CPSF4: variants seen among roughly 807,000 people sequenced by gnomAD.
The protein encoded by CPSF4 is cleavage and polyadenylation specificity factor subunit 4.
CPSF4 carries 11 observed loss-of-function variants against 37.7 expected under a neutral mutation model. The observed-to-expected ratio is 0.29, with a 90% CI of 0.18 to 0.48. The LOEUF is 0.48. CPSF4 is among the 20% of genes least tolerant of loss of function. CPSF4 has a pLI of 0.99. For missense variants in CPSF4, 144 were observed against 359.5 expected, an observed-to-expected ratio of 0.40 and a Z score of 4.85; for synonymous variants, 132 against 135.9, an observed-to-expected ratio of 0.97 and a Z score of 0.20.
In CPSF4 at chr7:99,457,043, G is replaced by A. The variant is rs1045733739; in HGVS notation, c.*543G>A. 8.5e-5 allele frequency: 20 copies of A among 234,536 alleles called. No homozygotes were observed. The highest frequency in any genetic ancestry group is 1.2e-4 in the South Asian group (2 of 16,650). The allele number at this position is 234,536 out of a possible 1,614,324, so 14.5% of individuals were successfully genotyped here. A position where few individuals can be genotyped will look rare whatever the true frequency, so the allele number is the denominator to read the frequency against. The stretch of plus-strand genomic sequence containing the variant: ...GCTGGCCCTGGTCCCAGGTGGCAGC[G>A]GTTGAGGAGGGGTACAGGGCTCTCA... On this transcript the variant is annotated 3_prime_UTR_variant, in exon 8 of 8. Transcript: ENST00000292476.
chr7:99,439,428 T>G, intron 1 of CPSF4: 1 of 425,218 alleles, frequency 2.4e-6, no homozygotes, highest in Non-Finnish European at 4.2e-6. Context: ...CCCGAGACTC[T>G]TCCCACTCCA....
In CPSF4 at chr7:99,453,854, C is replaced by T; in HGVS notation, c.571-112C>T. 1 of 1,008,624 alleles carries T rather than the reference C, an allele frequency of 9.9e-7. No homozygotes were observed. The highest frequency in any genetic ancestry group is 1.5e-6 in the Non-Finnish European group (1 of 668,926). 62.5% of individuals were successfully genotyped at this position (1,008,624 alleles called of 1,614,324 possible). A position where few individuals can be genotyped will look rare whatever the true frequency, so the allele number is the denominator to read the frequency against. ...TCCTGAGGTGGGCCGTCGTGGAAGC[C>T]CTGCTTCCTGCCGTTTGCGGGACGA... On this transcript the variant is annotated intron_variant, in intron 6 of 7. Transcript: ENST00000292476. The surrounding 1 kb of genome is among the most constrained non-coding windows in gnomAD (Gnocchi z 4.7).
intron 1 of CPSF4, chr7:99,443,517 G>T (rs1584489566): frequency 2.8e-6 from 2 of 717,562 alleles, no homozygotes; most frequent in East Asian, 2.6e-5. Flanking sequence ...CTCCGGGTGT[G>T]CTCTTTTAAT....
rs1351340331 is a variant in CPSF4, at chr7:99,454,106, C to T, written c.711C>T (p.Pro237=). Residue 237 remains proline, a synonymous_variant, in exon 7 of 8, where the codon CCC becomes CCT. Transcript: ENST00000292476. ...ACAGCAGCGCGGGCAACCGGGGACCCCGGCCACTGGAGCAGGTCACCTGTT... is the reference window on the plus strand; with the variant it reads ...ACAGCAGCGCGGGCAACCGGGGACCTCGGCCACTGGAGCAGGTCACCTGTT... The part of the protein sequence containing the change: ...SQNSSAGNRG[P]RPLEQVTCYK... 1.2e-6 allele frequency: 2 copies of T among 1,613,878 alleles called. No homozygotes were observed. The highest frequency in any genetic ancestry group is 4.5e-5 in the East Asian group (2 of 44,886).
chr7:99,442,987 T>G (rs1261209836), intron 1 of CPSF4: 11 of 1,580,936 alleles, frequency 7.0e-6, no homozygotes, highest in Non-Finnish European at 8.7e-6. Flanking sequence ...CGCTCCTTCC[T>G]CTTTTTCAGT....
At chr7:99,444,698 A>C in intron 1 of CPSF4, 91 bp from the exon 2 acceptor site, 1 of 1,239,950 alleles carries the variant, frequency 8.1e-7, no homozygotes, top group Non-Finnish European at 1.2e-6. Context: ...GGTGGGTCAG[A>C]GGTCAGAAGG....
At position 99,442,749 on chromosome 7, in the gene CPSF4, C is replaced by T. The variant is rs77374893; in HGVS notation, c.104-2040C>T. The stretch of plus-strand genomic sequence containing the variant: ...CTGAAACAGCAATAAGTCAAACTGC[C>T]GCGGCAGTTCACAGTTTTACCTGGG... On this transcript the variant is annotated intron_variant, in intron 1 of 7. Coordinates refer to ENST00000292476, the MANE Select transcript of CPSF4 (RefSeq NM_006693.4). 1,207 of 598,308 alleles carry T rather than the reference C, an allele frequency of 2.0e-3. 15 individuals are homozygous for T. The highest frequency in any genetic ancestry group is 0.016 in the African/African-American group (867 of 53,650). 37.1% of individuals were successfully genotyped at this position (598,308 alleles called of 1,614,324 possible).
chr7:99,442,807 AT>A, intron 1 of CPSF4: 1 of 803,052 alleles, frequency 1.2e-6, no homozygotes. Context: ...GCAAGACTGC[AT>A]TTAGTATATA....
At chr7:99,440,676 T>TATATA (rs1562852973) in intron 1 of CPSF4, among the ~76,000 whole-genome samples, 41 of 62,174 alleles carry the variant, frequency 6.6e-4, no homozygotes, top group Middle Eastern at 6.4e-3. Flanking sequence ...ATATATATAT[T>TATATA]TTTTTTTTTT....
At chr7:99,444,171 G>A (rs1797279172) in intron 1 of CPSF4, among the ~76,000 whole-genome samples, 1 of 151,946 alleles carries the variant, frequency 6.6e-6, no homozygotes, top group Non-Finnish European at 1.5e-5. Flanking sequence ...ATTTATTCCT[G>A]TGTGTCAGGC....
rs764861796 is a variant in CPSF4 at position 99,456,638 on chromosome 7, A to G, written c.*138A>G. ...GTGGGTTTCATCACTCTGAGGGGCC[A>G]CGTCTGTTAGTTTCCTATCATTTTG... On this transcript the variant is annotated 3_prime_UTR_variant, in exon 8 of 8. Transcript: ENST00000292476. 4 of 734,554 alleles carry G rather than the reference A, an allele frequency of 5.4e-6. No individual in the cohort carries two copies. The highest frequency in any genetic ancestry group is 1.5e-5 in the South Asian group (1 of 68,130). The allele number at this position is 734,554 out of a possible 1,614,324, so 45.5% of individuals were successfully genotyped here. A position where few individuals can be genotyped will look rare whatever the true frequency, so the allele number is the denominator to read the frequency against.
intron 2 of CPSF4, chr7:99,447,757 T>G (rs1277254877): frequency 2.3e-6 from 1 of 434,868 alleles, no homozygotes; most frequent in Non-Finnish European, 4.7e-6. Flanking sequence ...GCGCGGCTAA[T>G]TTTTTGTATT....
At chr7:99,447,938 T>G (rs1797661596) in intron 2 of CPSF4, 183 bp from the exon 3 acceptor site, 2 of 631,642 alleles carry the variant, frequency 3.2e-6, no homozygotes, top group African/African-American at 1.8e-5. Flanking sequence ...GTAAAATGTC[T>G]GTCAGTGTAG....
intron 1 of CPSF4, among the ~76,000 whole-genome samples, chr7:99,440,874 TCA>T (rs1164354672): frequency 4.7e-5 from 7 of 148,516 alleles, no homozygotes; most frequent in African/African-American, 7.5e-5. Context: ...CTGCTCAAAT[TCA>T]CACACACACA....
At position 99,453,954 on chromosome 7, in the gene CPSF4, A is replaced by C; in HGVS notation, c.571-12A>C. On this transcript the variant is annotated splice_polypyrimidine_tract_variant and intron_variant, in intron 6 of 7. Coordinates refer to ENST00000292476, the MANE Select transcript of CPSF4 (RefSeq NM_006693.4). The surrounding 1 kb of genome is among the most constrained non-coding windows in gnomAD (Gnocchi z 4.7). Reference sequence around the variant, plus strand: ...TTTCCACAGTAAAACCGTGTTGTGTAACTCTTTCCAGCAAAGTAACAATCC... The same window carrying C: ...TTTCCACAGTAAAACCGTGTTGTGTCACTCTTTCCAGCAAAGTAACAATCC... 1 of 1,613,324 alleles carries C rather than the reference A, an allele frequency of 6.2e-7. No individual in the cohort carries two copies. Among genetic ancestry groups the C allele is most frequent in the African/African-American group, 1.3e-5 (1 of 75,016 alleles).
intron 1 of CPSF4, among the ~76,000 whole-genome samples, chr7:99,440,675 T>TATATATATATATG (rs1491236759): frequency 6.7e-5 from 5 of 74,874 alleles, no homozygotes; most frequent in African/African-American, 2.1e-4. Flanking sequence ...TATATATATA[T>TATATATATATATG]TTTTTTTTTT....
intron 4 of CPSF4, 59 bp downstream of exon 4, chr7:99,450,430 C>T (rs764147604): frequency 2.5e-5 from 32 of 1,261,004 alleles, no homozygotes; most frequent in Non-Finnish European, 3.6e-5. Flanking sequence ...TCTCTGCCCA[C>T]GACCCTGGAG....
At chr7:99,454,957 A>G (rs1798204557) in intron 7 of CPSF4, among the ~76,000 whole-genome samples, 1 of 152,148 alleles carries the variant, frequency 6.6e-6, no homozygotes, top group South Asian at 2.1e-4. Context: ...GGGGAGGCTT[A>G]GATGGGAGGA....
chr7:99,444,763 C>G, intron 1 of CPSF4, 26 bp from the exon 2 acceptor site: 1 of 1,609,418 alleles, frequency 6.2e-7, no homozygotes, highest in Non-Finnish European at 8.5e-7. Flanking sequence ...CTCTTTGATT[C>G]CTCTCCTTTT....
Sources: gnomAD v4.1 joint callset for allele counts (sites outside exome capture counted in the v4.1 genomes callset) on GRCh38, gnomAD v4.1.1 for gene constraint, Gnocchi (gnomAD v3.1) non-coding constraint, MANE v1.5 for transcripts, NCBI Gene and HGNC (gene_info 2026-07-23, HGNC 2026-07-21) for gene names.